SRGAP3: variants seen among roughly 807,000 people sequenced by gnomAD.
SRGAP3 encodes SLIT-ROBO Rho GTPase activating protein 3, also known as SLIT-ROBO Rho GTPase-activating protein 3.
A neutral mutation model predicts 121.1 loss-of-function variants in SRGAP3; 39 were observed. That is an observed-to-expected ratio of 0.32 (90% CI 0.25 to 0.42). The LOEUF is 0.42. SRGAP3 is among the 10% of genes least tolerant of loss of function. The pLI is 1.00. For missense variants in SRGAP3, 1,213 were observed against 1,470.6 expected, an observed-to-expected ratio of 0.82 and a Z score of 2.86; for synonymous variants, 601 against 570.0, an observed-to-expected ratio of 1.05 and a Z score of -0.77.
chr3:9,108,271 G>A (rs570991170), intron 2 of SRGAP3, among the ~76,000 whole-genome samples: 1 of 152,214 alleles, frequency 6.6e-6, no homozygotes, highest in African/African-American at 2.4e-5. Context: ...GTAGCGCGTG[G>A]TACTCATATT....
At chr3:9,181,695 G>A (rs974742442) in intron 1 of SRGAP3, among the ~76,000 whole-genome samples, 5 of 152,084 alleles carry the variant, frequency 3.3e-5, no homozygotes, top group Admixed American at 2.0e-4. Context: ...TGGTGCCCCC[G>A]CTCTTCTGGC....
chr3:9,313,509 C>T (rs1257396480), intron 3 of SRGAP3, among the ~76,000 whole-genome samples: 1 of 151,328 alleles, frequency 6.6e-6, no homozygotes, highest in Non-Finnish European at 1.5e-5. Flanking sequence ...GCCAACATAG[C>T]GAAACTCCAT....
At chr3:9,048,347 C>T (rs1945389748) in intron 9 of SRGAP3, among the ~76,000 whole-genome samples, 2 of 152,360 alleles carry the variant, frequency 1.3e-5, no homozygotes, top group South Asian at 4.1e-4. Context: ...GGCTCCAAGC[C>T]CAGCTCATCT....
chr3:9,258,779 G>A (rs1008648401), intron 3 of SRGAP3, among the ~76,000 whole-genome samples: 7 of 152,082 alleles, frequency 4.6e-5, no homozygotes, highest in African/African-American at 1.2e-4. Flanking sequence ...CCCTTTCTCC[G>A]TGATCCCAAG....
Position 8,985,573 on chromosome 3 carries a change from C to G in SRGAP3, c.3246G>C (p.Thr1082=), listed in dbSNP as rs538106006. ...TGTTGGGGAACATCTTCTCGGTGGG[C>G]GTCACGGCCGGGCTGCCCACGCCCG... ...SSSGVGSPAV[T]PTEKMFPNSS... is the part of the protein sequence containing the mutation. Residue 1082 remains threonine, a synonymous_variant, in exon 22 of 22, where the codon ACG becomes ACC. Coordinates refer to ENST00000383836, the MANE Select transcript of SRGAP3 (RefSeq NM_014850.4). This position sits in a 1 kb window ranked among gnomAD's most constrained non-coding sequence, Gnocchi z 5.1. The G allele has an allele frequency of 8.8e-6, 14 of 1,590,378 alleles. No homozygotes were observed. Among genetic ancestry groups the G allele is most frequent in the Middle Eastern group, 1.7e-4 (1 of 6,030 alleles).
intron 20 of SRGAP3, among the ~76,000 whole-genome samples, chr3:8,991,301 G>A (rs981526961): frequency 2.0e-5 from 3 of 152,114 alleles, no homozygotes; most frequent in African/African-American, 7.2e-5. Context: ...AGCACAGTTG[G>A]GGTCCCCTGG....
In SRGAP3 at chr3:8,986,379, G is replaced by A. The variant is rs556013428; in HGVS notation, c.2887-447C>T. Among the ~76,000 whole-genome samples, 5 of 152,332 alleles carry A rather than the reference G, an allele frequency of 3.3e-5. No homozygotes were observed. The East Asian group carries it at 9.6e-4, about 29-fold the overall frequency. On this transcript the variant is annotated intron_variant, in intron 21 of 21. Coordinates refer to ENST00000383836, the MANE Select transcript of SRGAP3 (RefSeq NM_014850.4). The stretch of plus-strand genomic sequence containing the variant: ...AGCCTGGCCTGACCCCTGGCACAGA[G>A]TAAGCACTCAAAAATACGAATGACA...
chr3:8,998,126 T>C (rs426415), intron 18 of SRGAP3, among the ~76,000 whole-genome samples: 91,739 of 151,994 alleles, frequency 0.6, 28,579 homozygotes, highest in African/African-American at 0.76. Flanking sequence ...TGGACTCGAG[T>C]GATCCTCCTG....
At chr3:9,071,648 A>ATGGATGGG (rs1158014938) in intron 4 of SRGAP3, among the ~76,000 whole-genome samples, 3 of 79,448 alleles carry the variant, frequency 3.8e-5, no homozygotes, top group African/African-American at 1.3e-4. Flanking sequence ...AGGTGGATGG[A>ATGGATGGG]TGGATGGATG....
At chr3:9,255,601 TTGGCCAGGCC>T (rs1471260595) in intron 3 of SRGAP3, among the ~76,000 whole-genome samples, 2 of 152,186 alleles carry the variant, frequency 1.3e-5, no homozygotes, top group Non-Finnish European at 2.9e-5. Context: ...GGTGTTCTGC[TTGGCCAGGCC>T]TGTAGAGTGG....
intron 5 of SRGAP3, among the ~76,000 whole-genome samples, chr3:9,061,319 T>TG (rs1037830741): frequency 2.6e-5 from 4 of 152,100 alleles, no homozygotes; most frequent in African/African-American, 7.2e-5. Flanking sequence ...TCCATGGCCT[T>TG]GTCCCATCCA....
chr3:9,010,743 A>T (rs1349280887), intron 17 of SRGAP3, among the ~76,000 whole-genome samples: 2 of 152,228 alleles, frequency 1.3e-5, no homozygotes, highest in African/African-American at 2.4e-5. Context: ...CAGAACAAAA[A>T]GAACCCTTTG....
chr3:9,177,516 G>T lies in SRGAP3; in HGVS notation c.68-52599C>A, dbSNP rs138320389. ...GACCATGCCACGGAGTCTGACCCAT[G>T]TGCCTTTCTAGGAAGGAGGTCCGTG... On this transcript the variant is annotated intron_variant, in intron 1 of 21. Transcript: ENST00000383836. Among the ~76,000 whole-genome samples, 41 of 152,218 alleles carry T rather than the reference G, an allele frequency of 2.7e-4. No individual in the cohort carries two copies. The East Asian group carries it at 7.3e-3, about 27-fold the overall frequency.
intron 10 of SRGAP3, among the ~76,000 whole-genome samples, chr3:9,042,340 G>A (rs1375885662): frequency 6.6e-6 from 1 of 151,868 alleles, no homozygotes; most frequent in African/African-American, 2.4e-5. Flanking sequence ...CATGGCTAGT[G>A]GCCACCATAC....
intron 18 of SRGAP3, among the ~76,000 whole-genome samples, chr3:9,001,127 T>C (rs906279489): frequency 6.6e-5 from 10 of 152,180 alleles, no homozygotes; most frequent in Admixed American, 4.6e-4. Context: ...ACAGGTACAA[T>C]GTTAGAGTTA....
At chr3:9,090,835 C>G (rs947647054) in intron 3 of SRGAP3, among the ~76,000 whole-genome samples, 4 of 152,092 alleles carry the variant, frequency 2.6e-5, no homozygotes, top group Admixed American at 1.3e-4. Flanking sequence ...CAGGTTTTCA[C>G]CATGTTGGCC....
At chr3:9,077,929 T>C (rs1947047859) in intron 4 of SRGAP3, among the ~76,000 whole-genome samples, 1 of 152,180 alleles carries the variant, frequency 6.6e-6, no homozygotes. Context: ...AATGGAGCCT[T>C]TGGGCCTTTC....
Position 8,982,907 on chromosome 3 carries a change from G to A in SRGAP3, c.*2612C>T, listed in dbSNP as rs1941494886. ...CTGCCCTCAGAAAATTCAGTGAAAGGCAGGTCCATTTTCAGTAAGAAAAAA... is the reference window on the plus strand; with the variant it reads ...CTGCCCTCAGAAAATTCAGTGAAAGACAGGTCCATTTTCAGTAAGAAAAAA... On this transcript the variant is annotated 3_prime_UTR_variant, in exon 22 of 22. Coordinates refer to ENST00000383836, the MANE Select transcript of SRGAP3 (RefSeq NM_014850.4). The A allele has an allele frequency of 4.4e-6, 1 of 228,638 alleles. No individual in the cohort carries two copies. The highest frequency in any genetic ancestry group is 8.7e-6 in the Non-Finnish European group (1 of 115,584). 14.2% of individuals were successfully genotyped at this position (228,638 alleles called of 1,614,324 possible).
At chr3:9,150,799 A>G (rs1950186378) in intron 1 of SRGAP3, among the ~76,000 whole-genome samples, 1 of 152,228 alleles carries the variant, frequency 6.6e-6, no homozygotes, top group Admixed American at 6.5e-5. Flanking sequence ...TGTGGCATTC[A>G]TTCATTTATC....
Sources: gnomAD v4.1 joint callset for allele counts (sites outside exome capture counted in the v4.1 genomes callset) on GRCh38, gnomAD v4.1.1 for gene constraint, Gnocchi (gnomAD v3.1) non-coding constraint, MANE v1.5 for transcripts, NCBI Gene and HGNC (gene_info 2026-07-23, HGNC 2026-07-21) for gene names.